The following HS6ST2 variants were observed in gnomAD, a reference collection of about 807,000 sequenced individuals.
HS6ST2 encodes the protein heparan-sulfate 6-O-sulfotransferase 2.
In HS6ST2, 17 loss-of-function variants were observed where a neutral mutation model predicts 33.0. That is an observed-to-expected ratio of 0.52 (90% confidence interval 0.35 to 0.77). The LOEUF is 0.77. Ranked by LOEUF, HS6ST2 falls within the 30% of genes least tolerant of loss-of-function variation. HS6ST2 has a pLI of 0.01. For synonymous variants in HS6ST2, 248 were observed against 237.1 expected (o/e 1.05, Z -0.42); for missense variants, 519 against 551.7 (o/e 0.94, Z 0.59).
intron 3 of HS6ST2, among the ~76,000 whole-genome samples, chrX:132,696,107 T>C (rs1384995817): frequency 8.9e-6 from 1 of 111,876 alleles, no homozygotes; most frequent in Non-Finnish European, 1.9e-5. Flanking sequence ...AAAGGAAATC[T>C]GCCAAGTTTT....
chrX:132,936,470 C>T (rs2066823267), intron 2 of HS6ST2, among the ~76,000 whole-genome samples: 1 of 111,972 alleles, frequency 8.9e-6, no homozygotes, highest in Admixed American at 9.5e-5. Flanking sequence ...TCTCTCAACA[C>T]ATTCTGTGAG....
intron 2 of HS6ST2, among the ~76,000 whole-genome samples, chrX:132,932,079 A>G (rs897329184): frequency 5.5e-5 from 6 of 108,495 alleles, no homozygotes; most frequent in African/African-American, 2.0e-4. Flanking sequence ...CCAGCTACTC[A>G]GGAGGCTGAG....
chrX:132,733,296 G>A (rs768310315), intron 2 of HS6ST2, among the ~76,000 whole-genome samples: 2 of 110,293 alleles, frequency 1.8e-5, no homozygotes, highest in South Asian at 7.9e-4. Flanking sequence ...TTTGCTCATT[G>A]ACAATACATG....
intron 4 of HS6ST2, among the ~76,000 whole-genome samples, chrX:132,657,596 A>AT (rs1350205607): frequency 1.8e-5 from 2 of 108,315 alleles, no homozygotes; most frequent in African/African-American, 3.4e-5. Flanking sequence ...GTAATTATTT[A>AT]TTTTTTGTAA....
chrX:132,783,549 A>T (rs1334071970), intron 2 of HS6ST2, among the ~76,000 whole-genome samples: 2 of 110,500 alleles, frequency 1.8e-5, no homozygotes, highest in Non-Finnish European at 3.8e-5. Flanking sequence ...ACCCACACAC[A>T]CCCAAAGTAG....
At chrX:132,786,098 A>C (rs1254422455) in intron 2 of HS6ST2, among the ~76,000 whole-genome samples, 1 of 112,009 alleles carries the variant, frequency 8.9e-6, no homozygotes, top group African/African-American at 3.2e-5. Flanking sequence ...GGTTGTTCTG[A>C]GGGTTAAATG....
intron 2 of HS6ST2, among the ~76,000 whole-genome samples, chrX:132,722,928 G>C (rs2064349640): frequency 9.3e-6 from 1 of 108,081 alleles, no homozygotes; most frequent in African/African-American, 3.3e-5. Flanking sequence ...CAAAAAGTTG[G>C]TTTTTCTTAC....
chrX:132,854,479 T>C (rs1324487522), intron 2 of HS6ST2, among the ~76,000 whole-genome samples: 1 of 112,377 alleles, frequency 8.9e-6, no homozygotes, highest in African/African-American at 3.2e-5. Flanking sequence ...CAGACAATAA[T>C]CTCTGCCCTG....
intron 2 of HS6ST2, among the ~76,000 whole-genome samples, chrX:132,891,756 G>A (rs1173573061): frequency 8.9e-6 from 1 of 111,844 alleles, no homozygotes; most frequent in Non-Finnish European, 1.9e-5. Flanking sequence ...CGGTGTATAT[G>A]TGCCACATTT....
intron 2 of HS6ST2, among the ~76,000 whole-genome samples, chrX:132,769,485 A>G (rs1023621415): frequency 8.9e-6 from 1 of 111,939 alleles, no homozygotes; most frequent in Non-Finnish European, 1.9e-5. Flanking sequence ...TCAGGGGGAA[A>G]AGTGTGTTCA....
chrX:132,779,934 C>T (rs1207884983), intron 2 of HS6ST2, among the ~76,000 whole-genome samples: 1 of 110,980 alleles, frequency 9.0e-6, no homozygotes, highest in Non-Finnish European at 1.9e-5. Context: ...CGCCTGAGTC[C>T]CTAGCTCCAG....
chrX:132,655,958 C>T (rs1338432112), intron 4 of HS6ST2, among the ~76,000 whole-genome samples: 1 of 111,313 alleles, frequency 9.0e-6, no homozygotes, highest in Non-Finnish European at 1.9e-5. Context: ...TAATCCTTTC[C>T]CCAAGCAAAT....
intron 4 of HS6ST2, among the ~76,000 whole-genome samples, chrX:132,659,077 T>C (rs2063751658): frequency 8.9e-6 from 1 of 111,976 alleles, no homozygotes; most frequent in Non-Finnish European, 1.9e-5. Context: ...TCTCAGAACA[T>C]CTTCACCATC....
intron 2 of HS6ST2, among the ~76,000 whole-genome samples, chrX:132,793,292 C>T (rs1184957468): frequency 2.8e-5 from 3 of 108,982 alleles, no homozygotes; most frequent in African/African-American, 1.0e-4. Context: ...AACTCCTGAC[C>T]TCAGGTGATC....
chrX:132,645,463 G>A (rs1333449483), intron 4 of HS6ST2, among the ~76,000 whole-genome samples: 3 of 112,777 alleles, frequency 2.7e-5, no homozygotes, highest in South Asian at 3.7e-4. Context: ...CCTTTTCAGA[G>A]CCATGAATCG....
intron 2 of HS6ST2, among the ~76,000 whole-genome samples, chrX:132,931,411 C>A (rs1190419390): frequency 8.9e-6 from 1 of 111,983 alleles, no homozygotes; most frequent in African/African-American, 3.2e-5. Flanking sequence ...AGGATGGAGA[C>A]TGTACTTCAG....
At chrX:132,754,050 T>G (rs1183991514) in intron 2 of HS6ST2, among the ~76,000 whole-genome samples, 1 of 111,869 alleles carries the variant, frequency 8.9e-6, no homozygotes, top group Non-Finnish European at 1.9e-5. Flanking sequence ...TTTTTACTTT[T>G]TTCGGTTGCA....
intron 3 of HS6ST2, among the ~76,000 whole-genome samples, chrX:132,707,060 G>T (rs2064194055): frequency 1.8e-5 from 2 of 112,186 alleles, no homozygotes; most frequent in Admixed American, 1.9e-4. Context: ...CTGTTTTAAA[G>T]AGATGGTCCT....
Position 132,628,317 on chromosome X carries a change from C to A in HS6ST2, c.1844G>T (p.Arg615Leu), listed in dbSNP as rs1379425881. The change falls in exon 5 of 5, where the codon CGG becomes CTG. Residue 615 changes from arginine (R) to leucine (L), a missense_variant. Transcript: ENST00000370833. Reference sequence around the variant, plus strand: ...GCCTGAGTTCTGCTTCGGGCTTTCCCGGTTCTCCTTCTGGCTCAAACTCTG... The same window carrying A: ...GCCTGAGTTCTGCTTCGGGCTTTCCAGGTTCTCCTTCTGGCTCAAACTCTG... ...LTQSLSQKEN[R>L]ESPKQNSGKE... The A allele has an allele frequency of 8.6e-7, 1 of 1,168,026 alleles. No individual in the cohort carries two copies. The highest frequency in any genetic ancestry group is 1.1e-6 in the Non-Finnish European group (1 of 873,054).
Sources: gnomAD v4.1 joint callset for allele counts (sites outside exome capture counted in the v4.1 genomes callset) on GRCh38, gnomAD v4.1.1 for gene constraint, MANE v1.5 for transcripts, NCBI Gene and HGNC (gene_info 2026-07-23, HGNC 2026-07-21) for gene names.